SKI: variants seen among roughly 807,000 people sequenced by gnomAD.
SKI encodes SKI proto-oncogene.
In SKI, 23 loss-of-function variants were observed where a neutral mutation model predicts 59.3. That is an observed-to-expected ratio of 0.39 (90% CI 0.28 to 0.55). The LOEUF (loss-of-function observed/expected upper bound fraction) is 0.55. Among genes scored for constraint, SKI ranks in the 20% least tolerant of loss-of-function variants. The probability of loss-of-function intolerance (pLI) is 0.67; values close to 1 mark genes in which losing one functional copy is unlikely to be tolerated. For synonymous variants in SKI, 673 were observed against 488.6 expected (o/e 1.38, Z -4.98); for missense variants, 1,017 against 1,038.9 (o/e 0.98, Z 0.29).
chr1:2,292,168 A>G (rs1640175328), intron 1 of SKI, among the ~76,000 whole-genome samples: 1 of 152,234 alleles, frequency 6.6e-6, no homozygotes, highest in African/African-American at 2.4e-5. Context: ...AGAGTGCCTC[A>G]GCGCGAGCTT....
At chr1:2,248,040 C>G (rs962331016) in intron 1 of SKI, 1 of 152,482 alleles carries the variant, frequency 6.6e-6, no homozygotes, top group Non-Finnish European at 1.5e-5. Context: ...CGTGTCTGCT[C>G]TTGTGCACCG....
At chr1:2,234,434 C>T (rs1029373163) in intron 1 of SKI, among the ~76,000 whole-genome samples, 1 of 152,212 alleles carries the variant, frequency 6.6e-6, no homozygotes, top group Non-Finnish European at 1.5e-5. Flanking sequence ...TCAGCCGTCC[C>T]TGCGGCTATT....
intron 1 of SKI, among the ~76,000 whole-genome samples, chr1:2,236,596 G>A (rs1291712975): frequency 1.3e-5 from 2 of 152,062 alleles, no homozygotes; most frequent in Non-Finnish European, 2.9e-5. Context: ...TAGTAGAGAC[G>A]GGGTTTTACC....
intron 1 of SKI, among the ~76,000 whole-genome samples, chr1:2,285,791 C>A (rs766157646): frequency 4.0e-5 from 6 of 151,374 alleles, no homozygotes; most frequent in Non-Finnish European, 8.8e-5. Flanking sequence ...GTCTCGAACA[C>A]CTGACCTCAC....
intron 1 of SKI, among the ~76,000 whole-genome samples, chr1:2,249,028 G>A (rs1483665047): frequency 5.9e-5 from 9 of 152,238 alleles, no homozygotes; most frequent in Non-Finnish European, 1.0e-4. Flanking sequence ...ATGGATTCCC[G>A]TAGGTACTTA....
intron 1 of SKI, among the ~76,000 whole-genome samples, chr1:2,295,673 C>T (rs938111108): frequency 3.2e-4 from 48 of 150,820 alleles, no homozygotes; most frequent in African/African-American, 1.1e-3. Context: ...CCATGCGTGA[C>T]TGTGTCCGGG....
Position 2,238,220 on chromosome 1 carries a change from G to A in SKI, c.969+8485G>A, listed in dbSNP as rs1319806870. Among the ~76,000 whole-genome samples the A allele has an allele frequency of 4.6e-5, 7 of 152,250 alleles. No individual in the cohort carries two copies. In the South Asian group the frequency reaches 1.0e-3, roughly 23 times the overall value. ...TCCTTAGGAAGCAGTTTGTCCCCGT[G>A]CCTCCCTTCAGGATCCTGTGGCCTG... On this transcript the variant is annotated intron_variant, in intron 1 of 6. Coordinates refer to ENST00000378536, the MANE Select transcript of SKI (RefSeq NM_003036.4).
intron 1 of SKI, among the ~76,000 whole-genome samples, chr1:2,261,473 C>G (rs80257842): frequency 1.3e-5 from 2 of 152,190 alleles, no homozygotes; most frequent in African/African-American, 4.8e-5. Flanking sequence ...TTTTTACCAT[C>G]TTTTGTCAGA....
In SKI at chr1:2,303,784, G is replaced by A; in HGVS notation, c.1212-56G>A. The A allele has an allele frequency of 6.2e-7, 1 of 1,602,988 alleles. No individual in the cohort carries two copies. The highest frequency in any genetic ancestry group is 8.5e-7 in the Non-Finnish European group (1 of 1,175,544). On this transcript the variant is annotated intron_variant, in intron 3 of 6. Transcript: ENST00000378536. The surrounding 1 kb of genome is among the most constrained non-coding windows in gnomAD (Gnocchi z 5.6). ...TCAGAGGGGGTGTGCGCCAGGATGT[G>A]TCTGGGTGGTGCTTGGGGACAGAGG...
chr1:2,305,659 G>A (rs887792659), intron 5 of SKI, among the ~76,000 whole-genome samples: 1 of 152,192 alleles, frequency 6.6e-6, no homozygotes, highest in African/African-American at 2.4e-5. Context: ...CTCAGATGGT[G>A]CGATGTCTGA....
chr1:2,287,726 T>TC (rs540198587), intron 1 of SKI, among the ~76,000 whole-genome samples: 25 of 152,176 alleles, frequency 1.6e-4, no homozygotes, highest in Non-Finnish European at 2.6e-4. Flanking sequence ...GGGGGTGGTC[T>TC]CCCCCTAGAA....
At chr1:2,247,279 G>C (rs1485664558) in intron 1 of SKI, among the ~76,000 whole-genome samples, 1 of 152,004 alleles carries the variant, frequency 6.6e-6, no homozygotes, top group African/African-American at 2.4e-5. Flanking sequence ...GTGCATGGGT[G>C]TGTGCAGCTG....
chr1:2,248,597 G>A (rs1267836555), intron 1 of SKI, among the ~76,000 whole-genome samples: 3 of 152,194 alleles, frequency 2.0e-5, no homozygotes, highest in East Asian at 3.9e-4. Context: ...GCGGGGCGGC[G>A]CTCTGCGCTG....
intron 1 of SKI, among the ~76,000 whole-genome samples, chr1:2,255,513 C>T (rs1360509283): frequency 6.6e-6 from 1 of 151,960 alleles, no homozygotes; most frequent in Non-Finnish European, 1.5e-5. Context: ...GCCTGGAGCT[C>T]TCTGTGTCCT....
chr1:2,270,546 T>C lies in SKI; in HGVS notation c.970-32432T>C, dbSNP rs978156696. 2.6e-5 allele frequency among the ~76,000 whole-genome samples: 4 copies of C among 152,178 alleles called. No homozygotes were observed. The highest frequency in any genetic ancestry group is 1.3e-4 in the Admixed American group (2 of 15,304). ...CGATTGTAAAACGGGCAGTGTGCAGTGTTGAGGGGGCGCTGGGGAAACAAG... is the reference window on the plus strand; with the variant it reads ...CGATTGTAAAACGGGCAGTGTGCAGCGTTGAGGGGGCGCTGGGGAAACAAG... On this transcript the variant is annotated intron_variant, in intron 1 of 6. Coordinates refer to ENST00000378536, the MANE Select transcript of SKI (RefSeq NM_003036.4). This position sits in a 1 kb window ranked among gnomAD's most constrained non-coding sequence, Gnocchi z 4.1.
chr1:2,248,234 C>G (rs1276494024), intron 1 of SKI, among the ~76,000 whole-genome samples: 5 of 152,176 alleles, frequency 3.3e-5, no homozygotes, highest in African/African-American at 1.2e-4. Flanking sequence ...CTGGGTGGTG[C>G]CCACACTGCC....
intron 1 of SKI, among the ~76,000 whole-genome samples, chr1:2,256,216 CTGTCCTGACCTCATTTCCTGTCTTG>C (rs1639271997): frequency 1.3e-5 from 2 of 151,996 alleles, no homozygotes; most frequent in East Asian, 1.9e-4. Context: ...CTGGAGCACT[CTGTCCTGACCTCATTTCCTGTCTTG>C]TGTCCTGACC....
At position 2,304,350 on chromosome 1, in the gene SKI, A is replaced by G; in HGVS notation, c.1532A>G (p.Lys511Arg). The change falls in exon 5 of 7, where the codon AAG becomes AGG. Residue 511 changes from lysine to arginine, a missense_variant. Coordinates refer to ENST00000378536, the MANE Select transcript of SKI (RefSeq NM_003036.4). ...TCCTTTACCTCATCCAGCTCCGCCA[A>G]GGACCTGGGCTCCCCGGGTGCGCGT... ...SPSFTSSSSA[K>R]DLGSPGARAL... 1.3e-6 allele frequency: 2 copies of G among 1,551,632 alleles called. No homozygotes were observed. The highest frequency in any genetic ancestry group is 2.7e-5 in the African/African-American group (2 of 73,130).
intron 1 of SKI, among the ~76,000 whole-genome samples, chr1:2,279,858 C>T (rs1214097745): frequency 6.6e-6 from 1 of 152,190 alleles, no homozygotes; most frequent in African/African-American, 2.4e-5. Flanking sequence ...CCAGCCTCTT[C>T]CTAAGTTTAC....
Sources: allele counts gnomAD v4.1 joint callset (sites outside exome capture counted in the v4.1 genomes callset), GRCh38; gene constraint gnomAD v4.1.1; non-coding constraint Gnocchi (gnomAD v3.1); transcripts MANE v1.5; gene names NCBI Gene and HGNC (gene_info 2026-07-23, HGNC 2026-07-21).